Variants in PPP1R14C observed in about 807,000 individuals in gnomAD.
PPP1R14C encodes protein phosphatase 1 regulatory inhibitor subunit 14C, also known as protein phosphatase 1 regulatory subunit 14C.
In PPP1R14C, 16 loss-of-function variants were observed where a neutral mutation model predicts 20.4. That is an observed-to-expected ratio of 0.78 (90% confidence interval 0.53 to 1.19). PPP1R14C has a LOEUF of 1.19. PPP1R14C is among the 50% of genes most tolerant of loss of function. The pLI is 0.00. For missense variants in PPP1R14C, 211 were observed against 220.1 expected (o/e 0.96, Z 0.26); for synonymous variants, 91 against 91.0 (o/e 1.00, Z 0.00).
At chr6:150,145,424 T>C (rs529690156) in intron 1 of PPP1R14C, among the ~76,000 whole-genome samples, 2 of 152,300 alleles carry the variant, frequency 1.3e-5, no homozygotes, top group Admixed American at 6.5e-5. Context: ...TTTCTTCAAG[T>C]TGTTTGTTCA....
chr6:150,205,312 G>C (rs895229654), intron 1 of PPP1R14C, among the ~76,000 whole-genome samples: 4 of 152,022 alleles, frequency 2.6e-5, no homozygotes, highest in Non-Finnish European at 4.4e-5. Context: ...ACAGCCCCTG[G>C]GTACTTCTCT....
chr6:150,204,304 G>A (rs958067369), intron 1 of PPP1R14C, among the ~76,000 whole-genome samples: 1 of 152,258 alleles, frequency 6.6e-6, no homozygotes, highest in African/African-American at 2.4e-5. Flanking sequence ...CCAGCTGTGC[G>A]TGTTTAGTGT....
At chr6:150,210,590 C>T (rs1441804593) in intron 1 of PPP1R14C, among the ~76,000 whole-genome samples, 1 of 152,188 alleles carries the variant, frequency 6.6e-6, no homozygotes, top group South Asian at 2.1e-4. Context: ...ACAGTCTCTG[C>T]AGGACAAGGG....
intron 3 of PPP1R14C, among the ~76,000 whole-genome samples, chr6:150,219,999 G>A (rs971654916): frequency 6.6e-6 from 1 of 152,080 alleles, no homozygotes; most frequent in Non-Finnish European, 1.5e-5. Flanking sequence ...GGGATTATAG[G>A]CATGGGGCAC....
rs1479971729 is a variant in PPP1R14C at position 150,185,583 on chromosome 6, A to G, written c.307-29161A>G. Among the ~76,000 whole-genome samples the G allele has an allele frequency of 6.6e-6, 1 of 152,104 alleles. No homozygotes were observed. The highest frequency in any genetic ancestry group is 1.5e-5 in the Non-Finnish European group (1 of 68,014). On this transcript the variant is annotated intron_variant, in intron 1 of 3. Coordinates refer to ENST00000361131, the MANE Select transcript of PPP1R14C (RefSeq NM_030949.3). This position sits in a 1 kb window ranked among gnomAD's most constrained non-coding sequence, Gnocchi z 4.1. ...CTGGGTGCAGGGCTCAGGGCTCCACAGAGTGAAGGCTACCTCTGCATAATA... is the reference window on the plus strand; with the variant it reads ...CTGGGTGCAGGGCTCAGGGCTCCACGGAGTGAAGGCTACCTCTGCATAATA...
intron 1 of PPP1R14C, among the ~76,000 whole-genome samples, chr6:150,171,627 C>T (rs529709368): frequency 1.3e-5 from 2 of 152,140 alleles, no homozygotes; most frequent in South Asian, 2.1e-4. Flanking sequence ...ACTGGAATTT[C>T]GTCTCTTTCT....
chr6:150,202,852 A>G (rs1198062137), intron 1 of PPP1R14C, among the ~76,000 whole-genome samples: 2 of 152,162 alleles, frequency 1.3e-5, no homozygotes, highest in African/African-American at 4.8e-5. Flanking sequence ...GTTTTGTTTT[A>G]ATTTAATCAC....
chr6:150,223,610 CTT>C (rs1778195152), intron 3 of PPP1R14C, among the ~76,000 whole-genome samples: 2 of 152,056 alleles, frequency 1.3e-5, no homozygotes, highest in Admixed American at 1.3e-4. Flanking sequence ...TTTGGAGAAA[CTT>C]TTCATATGCT....
chr6:150,219,320 C>A (rs1371032017), intron 3 of PPP1R14C, among the ~76,000 whole-genome samples: 1 of 152,050 alleles, frequency 6.6e-6, no homozygotes, highest in Non-Finnish European at 1.5e-5. Context: ...CCTCTGCCCC[C>A]CAGGTTCAAG....
At chr6:150,233,462 T>C (rs1319542222) in intron 3 of PPP1R14C, among the ~76,000 whole-genome samples, 3 of 152,168 alleles carry the variant, frequency 2.0e-5, no homozygotes, top group African/African-American at 7.2e-5. Context: ...ACACTTCTAA[T>C]ATTAAACATT....
At position 150,248,921 on chromosome 6, in the gene PPP1R14C, G is replaced by GTT; in HGVS notation, c.*105_*106dup. On this transcript the variant is annotated 3_prime_UTR_variant, in exon 4 of 4. Transcript: ENST00000361131. ...AAGAATAGGTGTCCTTATGAACAAC[G>GTT]TTTTTGTTTTTTTTTTTTTCTTTTT... 12 of 534,976 alleles carry GTT rather than the reference G, an allele frequency of 2.2e-5. No homozygotes were observed. The highest frequency in any genetic ancestry group is 7.1e-5 in the South Asian group (2 of 28,014). 33.1% of individuals were successfully genotyped at this position (534,976 alleles called of 1,614,324 possible).
rs1206590091 is a variant in PPP1R14C at position 150,249,282 on chromosome 6, A to G, written c.*462A>G. 2.5e-6 allele frequency: 1 copy of G among 399,058 alleles called. No homozygotes were observed. The highest frequency in any genetic ancestry group is 4.4e-6 in the Non-Finnish European group (1 of 226,192). 24.7% of individuals were successfully genotyped at this position (399,058 alleles called of 1,614,324 possible). ...TACACACAACTAAGTTAAAATGTTG[A>G]TGTGAGTTTTATTTCACATGGATGG... On this transcript the variant is annotated 3_prime_UTR_variant, in exon 4 of 4. Transcript: ENST00000361131.
chr6:150,204,597 G>A (rs1777920576), intron 1 of PPP1R14C, among the ~76,000 whole-genome samples: 6 of 152,218 alleles, frequency 3.9e-5, no homozygotes, highest in Admixed American at 3.9e-4. Context: ...CAACGTGCGT[G>A]GGCATGATTG....
intron 3 of PPP1R14C, among the ~76,000 whole-genome samples, chr6:150,245,484 G>T (rs1778480647): frequency 6.6e-6 from 1 of 152,100 alleles, no homozygotes; most frequent in Non-Finnish European, 1.5e-5. Context: ...TCCATTCTGT[G>T]CCAGGGACTT....
Position 150,143,603 on chromosome 6 carries a change from C to T in PPP1R14C, c.306+105C>T, listed in dbSNP as rs533356607. On this transcript the variant is annotated intron_variant, in intron 1 of 3. Coordinates refer to ENST00000361131, the MANE Select transcript of PPP1R14C (RefSeq NM_030949.3). The surrounding 1 kb of genome is among the most constrained non-coding windows in gnomAD (Gnocchi z 5.6). ...CTCCGGGGCGCGCATGTCCCTGACTCCCGGGGACCAAGTGCCAGGAGCGAG... is the reference window on the plus strand; with the variant it reads ...CTCCGGGGCGCGCATGTCCCTGACTTCCGGGGACCAAGTGCCAGGAGCGAG... 1.1e-4 allele frequency: 89 copies of T among 814,704 alleles called. No individual in the cohort carries two copies. In the South Asian group the frequency reaches 1.5e-3, roughly 14 times the overall value. 50.5% of individuals were successfully genotyped at this position (814,704 alleles called of 1,614,324 possible).
intron 1 of PPP1R14C, among the ~76,000 whole-genome samples, chr6:150,151,858 C>T (rs1048486962): frequency 3.9e-5 from 6 of 152,114 alleles, no homozygotes; most frequent in Non-Finnish European, 8.8e-5. Flanking sequence ...CGGTGGCTCA[C>T]GCCTGTAATC....
At chr6:150,234,996 C>T (rs1387797537) in intron 3 of PPP1R14C, among the ~76,000 whole-genome samples, 1 of 151,530 alleles carries the variant, frequency 6.6e-6, no homozygotes, top group African/African-American at 2.4e-5. Flanking sequence ...ACATAAAATG[C>T]AAACTAATTT....
intron 3 of PPP1R14C, among the ~76,000 whole-genome samples, chr6:150,240,243 C>G (rs764822079): frequency 3.3e-5 from 5 of 152,162 alleles, no homozygotes; most frequent in Non-Finnish European, 5.9e-5. Flanking sequence ...ATATTATGCA[C>G]AAGCTTGTGC....
chr6:150,143,161 C>G lies in PPP1R14C; in HGVS notation c.-32C>G. The G allele has an allele frequency of 2.4e-6, 3 of 1,249,496 alleles. No individual in the cohort carries two copies. The highest frequency in any genetic ancestry group is 3.0e-6 in the Non-Finnish European group (3 of 1,002,992). 77.4% of individuals were successfully genotyped at this position (1,249,496 alleles called of 1,614,324 possible). A position where few individuals can be genotyped will look rare whatever the true frequency, so the allele number is the denominator to read the frequency against. ...GGGCGCGCTCCGCCCGCCCCTCCTC[C>G]GGGCCGCACTGAGGCTCGGGCGCGC... On this transcript the variant is annotated 5_prime_UTR_variant, in exon 1 of 4. Transcript: ENST00000361131. This position sits in a 1 kb window ranked among gnomAD's most constrained non-coding sequence, Gnocchi z 5.6.
Sources: gnomAD v4.1 joint callset for allele counts (sites outside exome capture counted in the v4.1 genomes callset) on GRCh38, gnomAD v4.1.1 for gene constraint, Gnocchi (gnomAD v3.1) non-coding constraint, MANE v1.5 for transcripts, NCBI Gene and HGNC (gene_info 2026-07-23, HGNC 2026-07-21) for gene names.